Variants in SNX15 observed in about 807,000 individuals in gnomAD.
SNX15 encodes the protein sorting nexin 15.
SNX15 carries 29 observed loss-of-function variants against 35.2 expected under a neutral mutation model. The observed-to-expected ratio is 0.82, with a 90% CI of 0.61 to 1.12. SNX15 has a LOEUF of 1.12. SNX15 is among the 50% of genes most tolerant of loss of function. The pLI is 0.00. For synonymous variants in SNX15, 189 were observed against 188.2 expected, an observed-to-expected ratio of 1.00 and a Z score of -0.03; for missense variants, 400 against 451.5, an observed-to-expected ratio of 0.89 and a Z score of 1.03.
chr11:65,035,694 AG>A, intron 6 of SNX15, 31 bp downstream of exon 6: 1 of 1,575,980 alleles, frequency 6.3e-7, no homozygotes, highest in Non-Finnish European at 8.6e-7. Context: ...GGAAGGAGCC[AG>A]GGCAGGACGT....
At position 65,038,802 on chromosome 11, in the gene SNX15, G is replaced by T. The variant is rs141908833; in HGVS notation, c.895G>T (p.Val299Leu). 27 of 1,592,880 alleles carry T rather than the reference G, an allele frequency of 1.7e-5. No homozygotes were observed. Among genetic ancestry groups the T allele is most frequent in the Non-Finnish European group, 2.2e-5 (26 of 1,169,536 alleles). ...TGCACTCCAGGGCTATCGAGACGGCGTGCACGTCTTGCTTCAGGGAGTCCC... is the reference window on the plus strand; with the variant it reads ...TGCACTCCAGGGCTATCGAGACGGCTTGCACGTCTTGCTTCAGGGAGTCCC... ...AAALQGYRDG[V>L]HVLLQGVPSD... The change falls in exon 7 of 8, where the codon GTG becomes TTG. Residue 299 changes from valine (V) to leucine (L), a missense_variant. Physicochemically the swap from Val to Leu is conservative, Grantham distance 32 (BLOSUM62 1). Transcript: ENST00000377244.
chr11:65,034,815 C>A, intron 3 of SNX15, 32 bp from the exon 4 acceptor site: 1 of 1,574,260 alleles, frequency 6.4e-7, no homozygotes, highest in Non-Finnish European at 8.7e-7. Flanking sequence ...GTCACCGCCA[C>A]TCTCCCCTGT....
At chr11:65,037,715 C>T (rs543686417) in intron 6 of SNX15, 1 of 152,398 alleles carries the variant, frequency 6.6e-6, no homozygotes, top group East Asian at 1.9e-4. Context: ...CTCCCTTCTT[C>T]ACAGCAAACT....
chr11:65,032,095 TG>T, intron 1 of SNX15, 72 bp from the exon 2 acceptor site: 1 of 1,478,636 alleles, frequency 6.8e-7, no homozygotes, highest in Non-Finnish European at 9.4e-7. Flanking sequence ...AGGAGGCACC[TG>T]GGGCATTACA....
intron 1 of SNX15, among the ~76,000 whole-genome samples, chr11:65,030,722 C>T (rs1590738287): frequency 6.6e-6 from 1 of 152,180 alleles, no homozygotes; most frequent in Middle Eastern, 3.4e-3. Flanking sequence ...AGGCTGGTCT[C>T]GAACTCCTGA....
intron 1 of SNX15, among the ~76,000 whole-genome samples, 155 bp downstream of exon 1, chr11:65,027,791 C>T (rs539509857): frequency 7.2e-5 from 11 of 152,290 alleles, no homozygotes; most frequent in Non-Finnish European, 1.0e-4. Context: ...TAGTTTACAT[C>T]TTTAACCACC....
chr11:65,030,479 G>A (rs1359051397), intron 1 of SNX15, among the ~76,000 whole-genome samples: 2 of 149,012 alleles, frequency 1.3e-5, no homozygotes, highest in Non-Finnish European at 3.0e-5. Flanking sequence ...AGGCCACCAT[G>A]ACCCACCGTA....
chr11:65,027,944 T>G (rs1858681393), intron 1 of SNX15, among the ~76,000 whole-genome samples: 1 of 152,246 alleles, frequency 6.6e-6, no homozygotes, highest in African/African-American at 2.4e-5. Flanking sequence ...ACATGAAAAC[T>G]CTGGTTTAAT....
At chr11:65,035,258 G>T in intron 5 of SNX15, 52 bp downstream of exon 5, 1 of 1,470,788 alleles carries the variant, frequency 6.8e-7, no homozygotes, top group South Asian at 1.4e-5. Flanking sequence ...AGAGTGGGGA[G>T]GGCGGCCACA....
In SNX15 at chr11:65,027,519, T is replaced by C. The variant is rs199754202; in HGVS notation, c.-19T>C. ...GAGGAGGTGGAGGCCGGCGCTCCGC[T>C]CCGCTCCAGCTCGGTTTCATGTCCC... On this transcript the variant is annotated 5_prime_UTR_variant, in exon 1 of 8. Transcript: ENST00000377244. The C allele has an allele frequency of 6.2e-7, 1 of 1,609,840 alleles. No homozygotes were observed.
intron 1 of SNX15, 111 bp from the exon 2 acceptor site, chr11:65,032,057 C>A: frequency 9.3e-7 from 1 of 1,076,362 alleles, no homozygotes; most frequent in Admixed American, 2.0e-5. Flanking sequence ...GGCCAATGGC[C>A]AAAGGCTACT....
intron 1 of SNX15, among the ~76,000 whole-genome samples, chr11:65,029,155 G>A (rs769156901): frequency 2.6e-5 from 4 of 151,052 alleles, no homozygotes; most frequent in Non-Finnish European, 4.4e-5. Context: ...TGGCTTTTTT[G>A]TGTCGTTGTT....
At chr11:65,029,945 G>A (rs1241641714) in intron 1 of SNX15, among the ~76,000 whole-genome samples, 2 of 151,870 alleles carry the variant, frequency 1.3e-5, no homozygotes, top group Non-Finnish European at 2.9e-5. Flanking sequence ...GGTGTGCAGT[G>A]GCATGATTCA....
At position 65,038,566 on chromosome 11, in the gene SNX15, C is replaced by T. The variant is rs763563527; in HGVS notation, c.665-6C>T. 5 of 1,523,562 alleles carry T rather than the reference C, an allele frequency of 3.3e-6. No individual in the cohort carries two copies. In the East Asian group the frequency reaches 9.2e-5, roughly 28 times the overall value. 94.4% of individuals were successfully genotyped at this position (1,523,562 alleles called of 1,614,324 possible). A position where few individuals can be genotyped will look rare whatever the true frequency, so the allele number is the denominator to read the frequency against. On this transcript the variant is annotated splice_polypyrimidine_tract_variant and splice_region_variant and intron_variant, in intron 6 of 7. Coordinates refer to ENST00000377244, the MANE Select transcript of SNX15 (RefSeq NM_013306.5). ...TCTGGTCCGAGTCCTCCCTTTCTAA[C>T]TGCAGAAGGCGCAGCCCCCAGCCCC...
intron 1 of SNX15, among the ~76,000 whole-genome samples, chr11:65,029,686 C>T (rs927606737): frequency 4.0e-5 from 6 of 151,648 alleles, no homozygotes; most frequent in Admixed American, 1.3e-4. Flanking sequence ...ATGCAGTTCT[C>T]CTGCTTCAGC....
At chr11:65,028,476 G>A (rs1475739490) in intron 1 of SNX15, among the ~76,000 whole-genome samples, 3 of 152,274 alleles carry the variant, frequency 2.0e-5, no homozygotes, top group Non-Finnish European at 4.4e-5. Context: ...CAGAATCTTA[G>A]CTATTTAAAA....
rs1946452764 is a variant in SNX15 at position 65,032,544 on chromosome 11, G to A, written c.249G>A (p.Gln83=). The change falls in exon 3 of 8, where the codon CAG becomes CAA. Residue 83 remains glutamine, a synonymous_variant. Transcript: ENST00000377244. ...LEEFPAFPRA[Q]VFGRFEASVI... ...AGTTCCCTGCTTTCCCCCGGGCCCA[G>A]GTGTTTGGTGAGTGTTAGATTGGGG... is the stretch of plus-strand genomic sequence containing the variant. The A allele has an allele frequency of 6.2e-7, 1 of 1,614,028 alleles. No homozygotes were observed. Among genetic ancestry groups the A allele is most frequent in the Non-Finnish European group, 8.5e-7 (1 of 1,180,024 alleles).
chr11:65,035,022 C>T (rs1269644441), intron 4 of SNX15, 37 bp from the exon 5 acceptor site: 1 of 1,613,622 alleles, frequency 6.2e-7, no homozygotes. Flanking sequence ...CAGATTGCAC[C>T]CCATGACTCC....
At position 65,035,653 on chromosome 11, in the gene SNX15, C is replaced by A. The variant is rs1946493939; in HGVS notation, c.654C>A (p.Phe218Leu). 1 of 1,604,712 alleles carries A rather than the reference C, an allele frequency of 6.2e-7. No individual in the cohort carries two copies. The highest frequency in any genetic ancestry group is 8.5e-7 in the Non-Finnish European group (1 of 1,176,056). Residue 218 changes from phenylalanine (F) to leucine (L), a missense_variant, in exon 6 of 8, where the codon TTC becomes TTA. Transcript: ENST00000377244. The stretch of plus-strand genomic sequence containing the variant: ...CTGAGCTTGCCCTCTTCGACCCCTT[C>A]TCCAAGGAAGGTAATGAGCTGGGAC... ...TEAELALFDP[F>L]SKEEGAAPSP...
Sources: allele counts gnomAD v4.1 joint callset (sites outside exome capture counted in the v4.1 genomes callset), GRCh38; gene constraint gnomAD v4.1.1; transcripts MANE v1.5; gene names NCBI Gene and HGNC (gene_info 2026-07-23, HGNC 2026-07-21).